Variants in ANKRD30A observed in about 807,000 individuals in gnomAD.
ANKRD30A encodes the protein ankyrin repeat domain 30A.
A neutral mutation model predicts 166.3 loss-of-function variants in ANKRD30A; 170 were observed. That is an observed-to-expected ratio of 1.02 (90% CI 0.90 to 1.16). The LOEUF is 1.16. Among genes scored for constraint, ANKRD30A ranks in the 50% most tolerant of loss-of-function variants. ANKRD30A has a pLI of 0.00. For missense variants in ANKRD30A, 1,630 were observed against 1,518.0 expected, an observed-to-expected ratio of 1.07 and a Z score of -1.23; for synonymous variants, 564 against 508.9, an observed-to-expected ratio of 1.11 and a Z score of -1.46.
At chr10:37,132,726 G>A (rs1374045437) in intron 4 of ANKRD30A, among the ~76,000 whole-genome samples, 4 of 152,110 alleles carry the variant, frequency 2.6e-5, no homozygotes, top group Non-Finnish European at 5.9e-5. Flanking sequence ...TGCTGGGCAC[G>A]GTAGCTGTTG....
intron 18 of ANKRD30A, among the ~76,000 whole-genome samples, chr10:37,166,113 T>G (rs1434058991): frequency 2.6e-5 from 4 of 152,150 alleles, no homozygotes; most frequent in Non-Finnish European, 5.9e-5. Context: ...TCAAATTCTG[T>G]ACATACATTC....
At chr10:37,231,794 T>C in intron 35 of ANKRD30A, 114 bp downstream of exon 35, 1 of 190,342 alleles carries the variant, frequency 5.3e-6, no homozygotes, top group Non-Finnish European at 1.1e-5. Context: ...ATGGTCAACA[T>C]TACCTGCGTT....
At chr10:37,150,050 A>C (rs1432861208) in intron 11 of ANKRD30A, among the ~76,000 whole-genome samples, 1 of 152,076 alleles carries the variant, frequency 6.6e-6, no homozygotes, top group Non-Finnish European at 1.5e-5. Flanking sequence ...ATGTAGCCTT[A>C]ATCTCAGATG....
chr10:37,260,010 G>A, the ANKRD30A span, among the ~76,000 whole-genome samples: 1 of 152,054 alleles, frequency 6.6e-6, no homozygotes, highest in Non-Finnish European at 1.5e-5. Flanking sequence ...AGGAGGTGGG[G>A]GAGCTGAAGA....
intron 34 of ANKRD30A, among the ~76,000 whole-genome samples, chr10:37,227,523 T>A (rs185622217): frequency 6.6e-6 from 1 of 152,114 alleles, no homozygotes; most frequent in East Asian, 1.9e-4. Flanking sequence ...TCAACTTATA[T>A]GAGAACTCTT....
chr10:37,203,277 C>A (rs1322002546), intron 31 of ANKRD30A, among the ~76,000 whole-genome samples: 1 of 152,186 alleles, frequency 6.6e-6, no homozygotes, highest in Non-Finnish European at 1.5e-5. Context: ...CATCAGAAAG[C>A]TTATCCACCA....
the ANKRD30A span, among the ~76,000 whole-genome samples, chr10:37,246,532 C>A: frequency 6.6e-6 from 1 of 152,122 alleles, no homozygotes; most frequent in South Asian, 2.1e-4. Flanking sequence ...CATTTTAATT[C>A]TCTTATAATT....
rs996995897 is a variant in ANKRD30A at position 37,160,883 on chromosome 10, A to G, written c.1901-1766A>G. ...CTGGTTGTAACTCCAGCAGTTTTAT[A>G]TTTAAAGTATACCTAATATAATTGT... On this transcript the variant is annotated intron_variant, in intron 15 of 35. Coordinates refer to ENST00000361713, the MANE Select transcript of ANKRD30A (RefSeq NM_052997.3). Among the ~76,000 whole-genome samples, 4 of 152,324 alleles carry G rather than the reference A, an allele frequency of 2.6e-5. No homozygotes were observed. The East Asian group carries it at 7.7e-4, about 29-fold the overall frequency.
chr10:37,206,509 G>T (rs1842005062), intron 31 of ANKRD30A, among the ~76,000 whole-genome samples: 1 of 152,148 alleles, frequency 6.6e-6, no homozygotes, highest in Non-Finnish European at 1.5e-5. Flanking sequence ...CTGTTAGAAG[G>T]CTGGGCCCGG....
At chr10:37,232,901 A>C (rs535057972), downstream of ANKRD30A, among the ~76,000 whole-genome samples, 31 of 149,554 alleles carry the variant, frequency 2.1e-4, no homozygotes, top group South Asian at 5.5e-3. Context: ...TAAAAAAAAA[A>C]AAAAAACAAA....
At chr10:37,149,288 C>A (rs1005881724) in intron 9 of ANKRD30A, among the ~76,000 whole-genome samples, 1 of 151,884 alleles carries the variant, frequency 6.6e-6, no homozygotes, top group African/African-American at 2.4e-5. Flanking sequence ...AAAGATAGGC[C>A]ATATTAAAGA....
At chr10:37,164,706 A>C (rs1198565096) in intron 17 of ANKRD30A, among the ~76,000 whole-genome samples, 1 of 152,100 alleles carries the variant, frequency 6.6e-6, no homozygotes, top group Non-Finnish European at 1.5e-5. Flanking sequence ...TTGCTGAGTC[A>C]ATCAACGTAA....
intron 1 of ANKRD30A, among the ~76,000 whole-genome samples, chr10:37,128,969 A>G (rs1836221296): frequency 6.6e-6 from 1 of 152,198 alleles, no homozygotes; most frequent in Non-Finnish European, 1.5e-5. Context: ...ATTTACATAC[A>G]TTCTGTAAAT....
chr10:37,236,058 G>GCC (rs1843661485), downstream of ANKRD30A, among the ~76,000 whole-genome samples: 1 of 152,076 alleles, frequency 6.6e-6, no homozygotes, highest in South Asian at 2.1e-4. Context: ...GTGAGCCACC[G>GCC]CGCCGGGCCT....
At position 37,219,734 on chromosome 10, in the gene ANKRD30A, A is replaced by G. The variant is rs758109745; in HGVS notation, c.4022A>G (p.His1341Arg). 9.7e-5 allele frequency: 156 copies of G among 1,608,974 alleles called. No individual in the cohort carries two copies. Among genetic ancestry groups the G allele is most frequent in the Non-Finnish European group, 1.2e-4 (147 of 1,176,988 alleles). ...MWLQQQLVHA[H>R]KKADNKSKIT... ...CTTCAACAGCAATTAGTTCATGCAC[A>G]TAAGAAAGCTGACAACAAAAGCAAG... Residue 1341 changes from histidine to arginine, a missense_variant, in exon 34 of 36, where the codon CAT becomes CGT. Physicochemically the swap from His to Arg is conservative, Grantham distance 29 (BLOSUM62 0). Around this residue, in one of 4 missense-constraint regions of ANKRD30A, gnomAD observed 712 missense variants for 629.3 expected, o/e 1.13. Coordinates refer to ENST00000361713, the MANE Select transcript of ANKRD30A (RefSeq NM_052997.3).
intron 27 of ANKRD30A, among the ~76,000 whole-genome samples, chr10:37,194,128 A>C (rs1265530627): frequency 4.0e-5 from 6 of 151,880 alleles, no homozygotes; most frequent in Admixed American, 3.9e-4. Context: ...CGTAGGAGGC[A>C]GAAGTTGCAT....
At chr10:37,200,241 C>T (rs1256399267) in intron 30 of ANKRD30A, among the ~76,000 whole-genome samples, 3 of 151,972 alleles carry the variant, frequency 2.0e-5, no homozygotes, top group Non-Finnish European at 4.4e-5. Context: ...AACGTATTGA[C>T]ATATCTTTAT....
At chr10:37,207,843 G>C (rs554609003) in intron 31 of ANKRD30A, among the ~76,000 whole-genome samples, 7 of 151,960 alleles carry the variant, frequency 4.6e-5, no homozygotes, top group Non-Finnish European at 1.0e-4. Context: ...TTCATTGATA[G>C]AAAAGTATAT....
At chr10:37,162,590 T>C (rs1564511673) in intron 15 of ANKRD30A, 59 bp from the exon 16 acceptor site, 1 of 1,596,164 alleles carries the variant, frequency 6.3e-7, no homozygotes. Flanking sequence ...ACGGCATTCA[T>C]TTGTGGTTGG....
Sources: allele counts gnomAD v4.1 joint callset (sites outside exome capture counted in the v4.1 genomes callset), GRCh38; gene constraint gnomAD v4.1.1; regional missense constraint gnomAD v4.1.1; transcripts MANE v1.5; gene names NCBI Gene and HGNC (gene_info 2026-07-23, HGNC 2026-07-21).